The following ZMYM2 variants were observed in gnomAD, a reference collection of about 807,000 sequenced individuals.
ZMYM2 encodes zinc finger MYM-type protein 2.
In ZMYM2, 56 loss-of-function variants were observed where a neutral mutation model predicts 162.8. The observed-to-expected ratio is 0.34, with a 90% confidence interval of 0.28 to 0.43. ZMYM2 has a LOEUF of 0.43. Ranked by LOEUF, ZMYM2 falls within the 20% of genes least tolerant of loss-of-function variation. The pLI is 1.00. For synonymous variants in ZMYM2, 510 were observed against 541.6 expected, an observed-to-expected ratio of 0.94 and a Z score of 0.81; for missense variants, 1,275 against 1,621.8, an observed-to-expected ratio of 0.79 and a Z score of 3.67.
At chr13:19,983,218 C>G (rs1410628505) in intron 2 of ZMYM2, among the ~76,000 whole-genome samples, 1 of 150,658 alleles carries the variant, frequency 6.6e-6, no homozygotes, top group East Asian at 2.0e-4. Flanking sequence ...AATCTTGGCT[C>G]ACTGCAACCT....
intron 2 of ZMYM2, among the ~76,000 whole-genome samples, chr13:19,977,630 C>G (rs528764645): frequency 0.17 from 1,120 of 6,780 alleles, 11 homozygotes; most frequent in Middle Eastern, 0.5. Context: ...GTAGCTGGGA[C>G]TACCGTCCGC....
intron 10 of ZMYM2, among the ~76,000 whole-genome samples, chr13:20,032,282 A>G (rs189669029): frequency 3.3e-5 from 5 of 152,262 alleles, no homozygotes; most frequent in Admixed American, 2.0e-4. Flanking sequence ...TCCATTAGCA[A>G]TAACGCTGAT....
chr13:19,992,857 C>T (rs1023997994), intron 2 of ZMYM2, among the ~76,000 whole-genome samples: 3 of 151,778 alleles, frequency 2.0e-5, no homozygotes, highest in African/African-American at 7.3e-5. Flanking sequence ...GGATAATTGC[C>T]TTCCTTGTTA....
intron 10 of ZMYM2, among the ~76,000 whole-genome samples, chr13:20,033,791 A>G (rs894468702): frequency 3.3e-5 from 5 of 152,348 alleles, no homozygotes; most frequent in Middle Eastern, 3.4e-3. Context: ...GATGGCACCA[A>G]ATTGAATACT....
chr13:20,022,892 T>C (rs942482081), intron 7 of ZMYM2, among the ~76,000 whole-genome samples: 1 of 152,210 alleles, frequency 6.6e-6, no homozygotes, highest in Non-Finnish European at 1.5e-5. Flanking sequence ...CAGAATGTTA[T>C]TAAATGCATA....
intron 11 of ZMYM2, among the ~76,000 whole-genome samples, chr13:20,035,962 G>A (rs1203308999): frequency 6.6e-6 from 1 of 152,048 alleles, no homozygotes; most frequent in African/African-American, 2.4e-5. Context: ...GAAAACAATT[G>A]CAGTTCCTGT....
chr13:20,044,440 TTC>T (rs907945170), intron 12 of ZMYM2, among the ~76,000 whole-genome samples: 4 of 152,160 alleles, frequency 2.6e-5, no homozygotes, highest in African/African-American at 9.7e-5. Context: ...TAAGCCAAGC[TTC>T]TCTCTGTCTT....
chr13:20,061,771 T>C (rs1956253168), intron 17 of ZMYM2, among the ~76,000 whole-genome samples: 1 of 152,132 alleles, frequency 6.6e-6, no homozygotes, highest in Non-Finnish European at 1.5e-5. Context: ...GTCTTTTTAG[T>C]AGAGACAGGG....
intron 24 of ZMYM2, 105 bp downstream of exon 24, chr13:20,083,881 TTTC>T (rs563119899): frequency 4.7e-4 from 553 of 1,187,580 alleles, no homozygotes; most frequent in Non-Finnish European, 6.0e-4. Context: ...CTTTCTCAGA[TTTC>T]TTCTCTCTCA....
chr13:20,071,476 T>A (rs771511254), intron 21 of ZMYM2, among the ~76,000 whole-genome samples: 1 of 152,250 alleles, frequency 6.6e-6, no homozygotes, highest in Non-Finnish European at 1.5e-5. Flanking sequence ...TGGTTTTAAG[T>A]ACTCCTTTTG....
intron 21 of ZMYM2, among the ~76,000 whole-genome samples, chr13:20,069,346 A>T (rs1956909326): frequency 6.6e-6 from 1 of 152,090 alleles, no homozygotes; most frequent in African/African-American, 2.4e-5. Context: ...TGATAGCAGA[A>T]ACTCTTGCCT....
At chr13:19,963,498 G>C (rs1014615336) in intron 2 of ZMYM2, among the ~76,000 whole-genome samples, 10 of 152,036 alleles carry the variant, frequency 6.6e-5, no homozygotes, top group African/African-American at 2.4e-4. Context: ...TATTTTGGTT[G>C]TATACCAGCA....
chr13:19,938,021 T>C, the ZMYM2 span, among the ~76,000 whole-genome samples: 7,018 of 152,192 alleles, frequency 0.046, 186 homozygotes, highest in South Asian at 0.092. Context: ...ATGGTGTATA[T>C]GTGCCACATT....
chr13:19,952,572 C>G, the ZMYM2 span, among the ~76,000 whole-genome samples: 4 of 152,034 alleles, frequency 2.6e-5, no homozygotes, highest in Non-Finnish European at 5.9e-5. Context: ...GACCCTTATT[C>G]CAATGTGAAC....
chr13:19,930,691 C>T, the ZMYM2 span, among the ~76,000 whole-genome samples: 5 of 151,148 alleles, frequency 3.3e-5, no homozygotes, highest in African/African-American at 1.2e-4. Context: ...AGACGACCGC[C>T]ACCAGGCCCT....
the ZMYM2 span, among the ~76,000 whole-genome samples, chr13:19,897,630 A>T: frequency 1.3e-5 from 2 of 151,972 alleles, no homozygotes; most frequent in African/African-American, 4.8e-5. Flanking sequence ...CAAGAATAAA[A>T]AGAGAGCAAG....
chr13:19,915,790 C>CTAGGATT, the ZMYM2 span, among the ~76,000 whole-genome samples: 1 of 152,016 alleles, frequency 6.6e-6, no homozygotes, highest in Non-Finnish European at 1.5e-5. Flanking sequence ...AGGCATGAGC[C>CTAGGATT]ACTGCACCTG....
At chr13:19,902,990 C>T in the ZMYM2 span, among the ~76,000 whole-genome samples, 1 of 151,922 alleles carries the variant, frequency 6.6e-6, no homozygotes, top group Admixed American at 6.6e-5. Flanking sequence ...AACCCCATCT[C>T]TACTGAAAAT....
At chr13:20,000,390 G>C (rs1950306341) in intron 3 of ZMYM2, among the ~76,000 whole-genome samples, 1 of 152,180 alleles carries the variant, frequency 6.6e-6, no homozygotes, top group Admixed American at 6.5e-5. Context: ...TAAGATAATT[G>C]ATGTAGGTGG....
Sources: gnomAD v4.1 joint callset for allele counts (sites outside exome capture counted in the v4.1 genomes callset) on GRCh38, gnomAD v4.1.1 for gene constraint, MANE v1.5 for transcripts, NCBI Gene and HGNC (gene_info 2026-07-23, HGNC 2026-07-21) for gene names.